The following MFSD6 variants were observed in gnomAD, a reference collection of about 807,000 sequenced individuals.
The protein encoded by MFSD6 is major facilitator superfamily domain containing 6.
Under a neutral mutation model 56.3 loss-of-function variants are expected in MFSD6, and 26 were observed. The observed-to-expected ratio is 0.46, with a 90% confidence interval of 0.34 to 0.64. MFSD6 has a LOEUF of 0.64. Ranked by LOEUF, MFSD6 falls within the 30% of genes least tolerant of loss-of-function variation. MFSD6 has a pLI of 0.01. For synonymous variants in MFSD6, 331 were observed against 366.9 expected (o/e 0.90, Z 1.12); for missense variants, 750 against 986.2 (o/e 0.76, Z 3.21).
chr2:190,473,595 A>G (rs1020855193), intron 4 of MFSD6, among the ~76,000 whole-genome samples: 1 of 152,192 alleles, frequency 6.6e-6, no homozygotes, highest in African/African-American at 2.4e-5. Flanking sequence ...ACCTACAAAG[A>G]GACTTAGACT....
intron 1 of MFSD6, among the ~76,000 whole-genome samples, 184 bp downstream of exon 1, chr2:190,408,687 G>T (rs919830163): frequency 4.9e-5 from 7 of 143,338 alleles, no homozygotes; most frequent in Admixed American, 1.3e-4. Flanking sequence ...GGCCTCGCTC[G>T]CCCGCCGCTC....
intron 3 of MFSD6, among the ~76,000 whole-genome samples, chr2:190,466,181 C>T (rs1687596718): frequency 6.6e-6 from 1 of 152,112 alleles, no homozygotes; most frequent in African/African-American, 2.4e-5. Flanking sequence ...CATCATTTTA[C>T]CTAATTACCT....
chr2:190,443,120 CA>C lies in MFSD6; in HGVS notation c.1532+5561del, dbSNP rs1275723596. 6.6e-6 allele frequency: 1 copy of C among 152,144 alleles called. No homozygotes were observed. Among genetic ancestry groups the C allele is most frequent in the Non-Finnish European group, 1.5e-5 (1 of 68,040 alleles). The allele number at this position is 152,144 out of a possible 1,614,324, so 9.4% of individuals were successfully genotyped here. A position where few individuals can be genotyped will look rare whatever the true frequency, so the allele number is the denominator to read the frequency against. ...AGCAATGGACTTTCTGAGCACCCCC[CA>C]ATATCATCACCTGAGCCAGGAACCC... On this transcript the variant is annotated intron_variant, in intron 3 of 7. Transcript: ENST00000392328. This position sits in a 1 kb window ranked among gnomAD's most constrained non-coding sequence, Gnocchi z 4.2.
In MFSD6 at chr2:190,438,546, GTTTCTTGTTGT is replaced by G. The variant is rs1686258580; in HGVS notation, c.1532+986_1532+996del. Among the ~76,000 whole-genome samples the G allele has an allele frequency of 2.6e-5, 4 of 152,166 alleles. No individual in the cohort carries two copies. The highest frequency in any genetic ancestry group is 2.6e-4 in the Admixed American group (4 of 15,266). ...AGAGAACACCCTGTAAGTGCCTAGTGTTTCTTGTTGTGTACTATTTCTTCTCACCATTAATG... is the reference window on the plus strand; with the variant it reads ...AGAGAACACCCTGTAAGTGCCTAGTGGTACTATTTCTTCTCACCATTAATG... On this transcript the variant is annotated intron_variant, in intron 3 of 7. Coordinates refer to ENST00000392328, the MANE Select transcript of MFSD6 (RefSeq NM_017694.4). This position sits in a 1 kb window ranked among gnomAD's most constrained non-coding sequence, Gnocchi z 5.2.
rs557682858 is a variant in MFSD6 at position 190,462,505 on chromosome 2, C to T, written c.1533-7253C>T. ...ATTATATTAAATGATGTTATGGATT[C>T]ATGGAGTGCCTGAGCAAGGCAGGCT... On this transcript the variant is annotated intron_variant, in intron 3 of 7. Coordinates refer to ENST00000392328, the MANE Select transcript of MFSD6 (RefSeq NM_017694.4). The surrounding 1 kb of genome is among the most constrained non-coding windows in gnomAD (Gnocchi z 5.7). Among the ~76,000 whole-genome samples the T allele has an allele frequency of 6.6e-5, 10 of 152,260 alleles. No individual in the cohort carries two copies. Among genetic ancestry groups the T allele is most frequent in the African/African-American group, 2.4e-4 (10 of 41,544 alleles).
At position 190,410,232 on chromosome 2, in the gene MFSD6, T is replaced by C. The variant is rs142762102; in HGVS notation, c.-176+1729T>C. 2.0e-5 allele frequency among the ~76,000 whole-genome samples: 3 copies of C among 152,346 alleles called. No homozygotes were observed. Among genetic ancestry groups the C allele is most frequent in the Non-Finnish European group, 4.4e-5 (3 of 68,034 alleles). On this transcript the variant is annotated intron_variant, in intron 1 of 7. Coordinates refer to ENST00000392328, the MANE Select transcript of MFSD6 (RefSeq NM_017694.4). This position sits in a 1 kb window ranked among gnomAD's most constrained non-coding sequence, Gnocchi z 4.4. ...ACTTATTATGTTCAAGACACCATTGTAAACATTTAGTATCTCAATCTCTGT... is the reference window on the plus strand; with the variant it reads ...ACTTATTATGTTCAAGACACCATTGCAAACATTTAGTATCTCAATCTCTGT...
At chr2:190,449,969 C>G (rs1686719245) in intron 3 of MFSD6, among the ~76,000 whole-genome samples, 1 of 151,856 alleles carries the variant, frequency 6.6e-6, no homozygotes, top group South Asian at 2.1e-4. Flanking sequence ...ACATATGTAA[C>G]TAACCTGCAC....
At chr2:190,429,566 GA>G (rs1198895868) in intron 2 of MFSD6, among the ~76,000 whole-genome samples, 2 of 151,942 alleles carry the variant, frequency 1.3e-5, no homozygotes. Context: ...GATCTCAGGT[GA>G]TCCTCCCAAA....
At position 190,499,843 on chromosome 2, in the gene MFSD6, A is replaced by G; in HGVS notation, c.2173-172A>G. Reference sequence around the variant, plus strand: ...TGCGGCTCTGGCAGTTGCACATAGGAAAGGAGATGAAAGGTAAGACATTCT... The same window carrying G: ...TGCGGCTCTGGCAGTTGCACATAGGGAAGGAGATGAAAGGTAAGACATTCT... On this transcript the variant is annotated intron_variant, in intron 7 of 7. Transcript: ENST00000392328. The surrounding 1 kb of genome is among the most constrained non-coding windows in gnomAD (Gnocchi z 6.0). 6.5e-7 allele frequency: 1 copy of G among 1,545,904 alleles called. No individual in the cohort carries two copies. The highest frequency in any genetic ancestry group is 8.7e-7 in the Non-Finnish European group (1 of 1,144,128).
At chr2:190,481,800 A>C (rs570549777) in intron 4 of MFSD6, among the ~76,000 whole-genome samples, 6 of 152,120 alleles carry the variant, frequency 3.9e-5, no homozygotes, top group Non-Finnish European at 8.8e-5. Flanking sequence ...TCTTATATAA[A>C]CTTTCTTTCG....
Position 190,479,589 on chromosome 2 carries a change from C to T in MFSD6, c.1631-9068C>T, listed in dbSNP as rs141854022. Among the ~76,000 whole-genome samples the T allele has an allele frequency of 1.1e-3, 172 of 152,306 alleles. 1 individual carries two copies. Among genetic ancestry groups the T allele is most frequent in the African/African-American group, 4.0e-3 (165 of 41,562 alleles). The stretch of plus-strand genomic sequence containing the variant: ...AAATAAAGCCCAAACTTGTTATTCT[C>T]CTTCCTCTGTGGGTGTTGGTTGCAA... On this transcript the variant is annotated intron_variant, in intron 4 of 7. Coordinates refer to ENST00000392328, the MANE Select transcript of MFSD6 (RefSeq NM_017694.4).
Position 190,497,870 on chromosome 2 carries a change from C to T in MFSD6, c.2172+151C>T. ...GCAAACAATTTCAGTACTCTGTGAG[C>T]ACTGAGTTAAAGAGGGTGTATACAA... On this transcript the variant is annotated intron_variant, in intron 7 of 7. Transcript: ENST00000392328. This position sits in a 1 kb window ranked among gnomAD's most constrained non-coding sequence, Gnocchi z 5.2. The T allele has an allele frequency of 3.4e-6, 3 of 891,958 alleles. No homozygotes were observed. Among genetic ancestry groups the T allele is most frequent in the Non-Finnish European group, 5.0e-6 (3 of 597,410 alleles). The allele number at this position is 891,958 out of a possible 1,614,324, so 55.3% of individuals were successfully genotyped here. A position where few individuals can be genotyped will look rare whatever the true frequency, so the allele number is the denominator to read the frequency against.
chr2:190,422,125 C>T (rs1685639897), intron 2 of MFSD6, among the ~76,000 whole-genome samples: 1 of 152,072 alleles, frequency 6.6e-6, no homozygotes. Context: ...TCTTTGTTTT[C>T]TTGTAGTGTT....
At chr2:190,472,092 G>A (rs921517610) in intron 4 of MFSD6, among the ~76,000 whole-genome samples, 11 of 152,236 alleles carry the variant, frequency 7.2e-5, no homozygotes, top group African/African-American at 2.2e-4. Flanking sequence ...CCATCTGTAC[G>A]TCACCATCAT....
intron 3 of MFSD6, among the ~76,000 whole-genome samples, chr2:190,441,342 A>T (rs542893791): frequency 6.6e-6 from 1 of 152,018 alleles, no homozygotes; most frequent in Admixed American, 6.5e-5. Context: ...GACCAATTAC[A>T]TCAGTCTTTC....
At chr2:190,445,551 A>G (rs1418195683) in intron 3 of MFSD6, among the ~76,000 whole-genome samples, 5 of 151,718 alleles carry the variant, frequency 3.3e-5, no homozygotes, top group Non-Finnish European at 7.4e-5. Flanking sequence ...CCTCAGAAAC[A>G]CAAAACATAC....
rs1420315019 is a variant in MFSD6, at chr2:190,410,582, C to T, written c.-176+2079C>T. 6.6e-6 allele frequency among the ~76,000 whole-genome samples: 1 copy of T among 151,950 alleles called. No homozygotes were observed. Among genetic ancestry groups the T allele is most frequent in the African/African-American group, 2.4e-5 (1 of 41,368 alleles). ...TGTATATTAATGTGTGTATGTTTAC[C>T]CTTTTGTCCTCACCAGTTGTAGATT... On this transcript the variant is annotated intron_variant, in intron 1 of 7. Transcript: ENST00000392328. This position sits in a 1 kb window ranked among gnomAD's most constrained non-coding sequence, Gnocchi z 4.4.
In MFSD6 at chr2:190,459,834, C is replaced by G. The variant is rs1687229851; in HGVS notation, c.1533-9924C>G. Among the ~76,000 whole-genome samples the G allele has an allele frequency of 6.6e-6, 1 of 152,224 alleles. No individual in the cohort carries two copies. The highest frequency in any genetic ancestry group is 2.4e-5 in the African/African-American group (1 of 41,470). ...CAAATTACTTTTACCTTTTCTCTTT[C>G]TAGCAGAAACAATAGAAGGAAGTAT... On this transcript the variant is annotated intron_variant, in intron 3 of 7. Coordinates refer to ENST00000392328, the MANE Select transcript of MFSD6 (RefSeq NM_017694.4). The surrounding 1 kb of genome is among the most constrained non-coding windows in gnomAD (Gnocchi z 5.3).
chr2:190,482,203 A>G (rs1315526504), intron 4 of MFSD6, among the ~76,000 whole-genome samples: 3 of 152,232 alleles, frequency 2.0e-5, no homozygotes, highest in Non-Finnish European at 2.9e-5. Context: ...CTGAATGACT[A>G]TGGAGCAGAG....
Sources: allele counts gnomAD v4.1 joint callset (sites outside exome capture counted in the v4.1 genomes callset), GRCh38; gene constraint gnomAD v4.1.1; non-coding constraint Gnocchi (gnomAD v3.1); transcripts MANE v1.5; gene names NCBI Gene and HGNC (gene_info 2026-07-23, HGNC 2026-07-21).